The following UBR7 variants were observed in gnomAD, a reference collection of about 807,000 sequenced individuals.
UBR7 encodes ubiquitin protein ligase E3 component n-recognin 7.
Under a neutral mutation model 57.0 loss-of-function variants are expected in UBR7, and 22 were observed. The ratio of observed to expected loss-of-function variants is 0.39; its 90% CI spans 0.28 to 0.55. UBR7 has a LOEUF of 0.55. Among genes scored for constraint, UBR7 ranks in the 20% least tolerant of loss-of-function variants. UBR7 has a pLI of 0.69. For missense variants in UBR7, 395 were observed against 513.2 expected (o/e 0.77, Z 2.23); for synonymous variants, 167 against 179.8 (o/e 0.93, Z 0.57).
rs1333901047 is a variant in UBR7, at chr14:93,226,964, C to G, written c.1207C>G (p.Gln403Glu). The change falls in exon 11 of 11, where the codon CAG (glutamine) becomes GAG (glutamate). Residue 403 changes from glutamine to glutamate, a missense_variant. Transcript: ENST00000013070. ...ACAGGTTGTTAAGAGAGAGGACATT[C>G]AGCAGTTCTTTGAAGAGTTTCAGTC... ...EGTVVKREDIQQFFEEFQSKK... is the reference protein window; with the variant it reads ...EGTVVKREDIEQFFEEFQSKK... 6.2e-7 allele frequency: 1 copy of G among 1,612,908 alleles called. No individual in the cohort carries two copies. Among genetic ancestry groups the G allele is most frequent in the Non-Finnish European group, 8.5e-7 (1 of 1,179,440 alleles).
At chr14:93,213,422 C>T (rs180893138) in intron 4 of UBR7, among the ~76,000 whole-genome samples, 1 of 152,048 alleles carries the variant, frequency 6.6e-6, no homozygotes, top group African/African-American at 2.4e-5. Flanking sequence ...ATTCTCCTGC[C>T]TCAGCCTCCT....
At chr14:93,217,181 C>T (rs879694892) in intron 6 of UBR7, among the ~76,000 whole-genome samples, 3 of 152,042 alleles carry the variant, frequency 2.0e-5, no homozygotes, top group African/African-American at 4.8e-5. Flanking sequence ...CATGCACCAG[C>T]ATGCCTAGCT....
chr14:93,224,115 C>CT, intron 10 of UBR7: 1 of 809,956 alleles, frequency 1.2e-6, no homozygotes, highest in South Asian at 1.4e-5. Flanking sequence ...ACCTTGTACT[C>CT]TCATAGTGTG....
At chr14:93,222,279 T>G (rs1310300273) in intron 9 of UBR7, 34 bp from the exon 10 acceptor site, 1 of 1,490,236 alleles carries the variant, frequency 6.7e-7, no homozygotes, top group South Asian at 1.1e-5. Flanking sequence ...AAATGGTTTA[T>G]CTAAACTTAA....
Position 93,215,261 on chromosome 14 carries a change from C to T in UBR7, c.581C>T (p.Ala194Val). ...ACMKRCSFLWAYAAQLAVTKI... is the reference protein window; with the variant it reads ...ACMKRCSFLWVYAAQLAVTKI... ...ATGAAACGTTGTTCTTTTTTGTGGGCTTATGCTGCACAATTGGCAGGTAGG... is the reference window on the plus strand; with the variant it reads ...ATGAAACGTTGTTCTTTTTTGTGGGTTTATGCTGCACAATTGGCAGGTAGG... The change falls in exon 6 of 11, where the codon GCT becomes GTT. Residue 194 changes from alanine (A) to valine (V), a missense_variant. Coordinates refer to ENST00000013070, the MANE Select transcript of UBR7 (RefSeq NM_175748.4). 4 of 1,581,900 alleles carry T rather than the reference C, an allele frequency of 2.5e-6. No individual in the cohort carries two copies. The highest frequency in any genetic ancestry group is 2.6e-6 in the Non-Finnish European group (3 of 1,162,864).
chr14:93,222,487 G>C, intron 10 of UBR7, 113 bp downstream of exon 10: 1 of 796,824 alleles, frequency 1.3e-6, no homozygotes, highest in African/African-American at 1.7e-5. Context: ...GCTCACACCT[G>C]TAATCCCAGT....
intron 4 of UBR7, among the ~76,000 whole-genome samples, chr14:93,213,195 A>G (rs1894520768): frequency 6.6e-6 from 1 of 152,220 alleles, no homozygotes; most frequent in African/African-American, 2.4e-5. Context: ...CTGCCAAAAA[A>G]GTTGTACCAG....
Position 93,229,004 on chromosome 14 carries a change from A to C in UBR7, c.*1969A>C. ...CCTGTTGTTCACAACTAGTTTTCTT[A>C]TTGACTGTATTGGACTGTCTCTTCT... On this transcript the variant is annotated 3_prime_UTR_variant, in exon 11 of 11. Transcript: ENST00000013070. 2.2e-6 allele frequency: 1 copy of C among 453,628 alleles called. No individual in the cohort carries two copies. Among genetic ancestry groups the C allele is most frequent in the South Asian group, 1.6e-5 (1 of 64,384 alleles). 28.1% of individuals were successfully genotyped at this position (453,628 alleles called of 1,614,324 possible).
At chr14:93,218,474 G>T (rs1458223411) in intron 6 of UBR7, 53 bp from the exon 7 acceptor site, 7 of 1,448,278 alleles carry the variant, frequency 4.8e-6, no homozygotes, top group Non-Finnish European at 6.8e-6. Flanking sequence ...TTTATTGTCC[G>T]TTAGGTCAGT....
intron 6 of UBR7, 61 bp downstream of exon 6, chr14:93,215,342 A>G (rs1489259836): frequency 5.6e-5 from 79 of 1,405,032 alleles, no homozygotes; most frequent in Non-Finnish European, 7.6e-5. Context: ...TGTATGTTCA[A>G]TTCAGAATTT....
At position 93,227,279 on chromosome 14, in the gene UBR7, T is replaced by C. The variant is rs1057111587; in HGVS notation, c.*244T>C. 1.6e-6 allele frequency: 1 copy of C among 612,898 alleles called. No individual in the cohort carries two copies. The allele number at this position is 612,898 out of a possible 1,614,324, so 38.0% of individuals were successfully genotyped here. On this transcript the variant is annotated 3_prime_UTR_variant, in exon 11 of 11. Transcript: ENST00000013070. ...CTTCTCCAGTGTACTCCTACTCCAG[T>C]GCACCCAGGGTTATTTGCATAGTTT...
intron 10 of UBR7, among the ~76,000 whole-genome samples, chr14:93,223,352 GCTATTGCA>G (rs1392368262): frequency 7.7e-6 from 1 of 130,630 alleles, no homozygotes; most frequent in Non-Finnish European, 1.5e-5. Flanking sequence ...CCAAGATTGT[GCTATTGCA>G]CTCCAGCCTG....
intron 4 of UBR7, among the ~76,000 whole-genome samples, chr14:93,212,439 C>CT (rs1270112205): frequency 6.6e-6 from 1 of 152,198 alleles, no homozygotes; most frequent in Non-Finnish European, 1.5e-5. Context: ...CCTTCAACTT[C>CT]TTTTGTCTCT....
chr14:93,216,382 C>G (rs1360143297), intron 6 of UBR7, among the ~76,000 whole-genome samples: 1 of 151,996 alleles, frequency 6.6e-6, no homozygotes. Context: ...GAAATTAAAT[C>G]AAAACAACTA....
chr14:93,227,465 G>C lies in UBR7; in HGVS notation c.*430G>C, dbSNP rs2140111282. The C allele has an allele frequency of 4.4e-6, 3 of 688,890 alleles. No homozygotes were observed. The highest frequency in any genetic ancestry group is 7.9e-6 in the Non-Finnish European group (3 of 378,032). 42.7% of individuals were successfully genotyped at this position (688,890 alleles called of 1,614,324 possible). ...CTTCCCGTCACCTAGAACCTCTACA[G>C]GTCCCCTCGCCCCTATGATCGTGGT... On this transcript the variant is annotated 3_prime_UTR_variant, in exon 11 of 11. Coordinates refer to ENST00000013070, the MANE Select transcript of UBR7 (RefSeq NM_175748.4).
rs1164727044 is a variant in UBR7 at position 93,227,599 on chromosome 14, C to T, written c.*564C>T. On this transcript the variant is annotated 3_prime_UTR_variant, in exon 11 of 11. Coordinates refer to ENST00000013070, the MANE Select transcript of UBR7 (RefSeq NM_175748.4). ...GATCTTGGGGCTTGTTTTCTCTAGGCCCAACCTCCAGAGTAGCCAGGACTG... is the reference window on the plus strand; with the variant it reads ...GATCTTGGGGCTTGTTTTCTCTAGGTCCAACCTCCAGAGTAGCCAGGACTG... The T allele has an allele frequency of 2.7e-5, 19 of 700,294 alleles. No homozygotes were observed. Among genetic ancestry groups the T allele is most frequent in the Non-Finnish European group, 4.2e-5 (16 of 384,800 alleles). 43.4% of individuals were successfully genotyped at this position (700,294 alleles called of 1,614,324 possible). A position where few individuals can be genotyped will look rare whatever the true frequency, so the allele number is the denominator to read the frequency against.
chr14:93,210,277 G>GT (rs1347038817), intron 2 of UBR7, among the ~76,000 whole-genome samples: 4 of 152,056 alleles, frequency 2.6e-5, no homozygotes, highest in Non-Finnish European at 5.9e-5. Context: ...TAGAGACGGT[G>GT]TTTCACCGAG....
chr14:93,218,813 T>A (rs1311079465), intron 7 of UBR7, 78 bp downstream of exon 7: 13 of 1,488,058 alleles, frequency 8.7e-6, no homozygotes, highest in African/African-American at 2.8e-5. Flanking sequence ...CCCAGCACTT[T>A]GGGAGGCTGA....
chr14:93,208,924 A>G (rs1894425503), intron 1 of UBR7, among the ~76,000 whole-genome samples: 1 of 152,062 alleles, frequency 6.6e-6, no homozygotes, highest in South Asian at 2.1e-4. Flanking sequence ...TAGCCTCCCA[A>G]GTAGCTGGGA....
Sources: allele counts gnomAD v4.1 joint callset (sites outside exome capture counted in the v4.1 genomes callset), GRCh38; gene constraint gnomAD v4.1.1; transcripts MANE v1.5; gene names NCBI Gene and HGNC (gene_info 2026-07-23, HGNC 2026-07-21).